The following ATE1 variants were observed in gnomAD, a reference collection of about 807,000 sequenced individuals.
ATE1 encodes arginyl-tRNA--protein transferase 1.
ATE1 carries 36 observed loss-of-function variants against 70.5 expected under a neutral mutation model. The observed-to-expected ratio is 0.51, with a 90% CI of 0.39 to 0.67. The LOEUF (loss-of-function observed/expected upper bound fraction) is 0.67, where lower values mean the gene tolerates loss of function less well. Among genes scored for constraint, ATE1 ranks in the 30% least tolerant of loss-of-function variants. The pLI is 0.00. For missense variants in ATE1, 593 were observed against 629.5 expected, an observed-to-expected ratio of 0.94 and a Z score of 0.62; for synonymous variants, 232 against 219.3, an observed-to-expected ratio of 1.06 and a Z score of -0.51.
chr10:121,839,976 A>G (rs987567565), intron 9 of ATE1, among the ~76,000 whole-genome samples: 2 of 152,196 alleles, frequency 1.3e-5, no homozygotes, highest in Non-Finnish European at 2.9e-5. Flanking sequence ...ATGAAAAGAG[A>G]AAAGTATGAC....
intron 10 of ATE1, among the ~76,000 whole-genome samples, chr10:121,817,356 G>A (rs575224832): frequency 8.5e-5 from 13 of 152,124 alleles, no homozygotes; most frequent in South Asian, 4.1e-4. Flanking sequence ...GTGAAACCCC[G>A]TCTCTACTAA....
chr10:121,910,696 A>C (rs1394253169), intron 5 of ATE1, among the ~76,000 whole-genome samples: 1 of 152,214 alleles, frequency 6.6e-6, no homozygotes, highest in Non-Finnish European at 1.5e-5. Flanking sequence ...TTTAGGGATA[A>C]GGCTATTGTT....
intron 8 of ATE1, among the ~76,000 whole-genome samples, chr10:121,850,739 AAC>A (rs1949019943): frequency 6.6e-6 from 1 of 152,192 alleles, no homozygotes; most frequent in Non-Finnish European, 1.5e-5. Flanking sequence ...TTTGAGCCCT[AAC>A]TCCACTGTAC....
At chr10:121,860,902 G>A (rs1057338288) in intron 8 of ATE1, among the ~76,000 whole-genome samples, 1 of 152,042 alleles carries the variant, frequency 6.6e-6, no homozygotes, top group African/African-American at 2.4e-5. Flanking sequence ...CTTACTTAAC[G>A]TCGTCAGTTC....
chr10:121,841,292 A>T (rs1554906405), intron 8 of ATE1, 29 bp from the exon 9 acceptor site: 1 of 1,332,092 alleles, frequency 7.5e-7, no homozygotes. Flanking sequence ...ACAAACAGCC[A>T]TTTTTTTAAT....
chr10:121,885,131 C>T lies in ATE1; in HGVS notation c.942+14735G>A, dbSNP rs371253057. On this transcript the variant is annotated intron_variant, in intron 7 of 11. Coordinates refer to ENST00000224652, the MANE Select transcript of ATE1 (RefSeq NM_001001976.3). Reference sequence around the variant, plus strand: ...CAAAAATCAGCCAGGTGTGGTGGCACGTGCCTGTAATCCCAGTTACTCGGG... The same window carrying T: ...CAAAAATCAGCCAGGTGTGGTGGCATGTGCCTGTAATCCCAGTTACTCGGG... Among the ~76,000 whole-genome samples, 15 of 151,762 alleles carry T rather than the reference C, an allele frequency of 9.9e-5. No individual in the cohort carries two copies. In the East Asian group the frequency reaches 2.9e-3, roughly 30 times the overall value.
At chr10:121,774,938 G>A (rs1385026198) in intron 11 of ATE1, among the ~76,000 whole-genome samples, 1 of 152,268 alleles carries the variant, frequency 6.6e-6, no homozygotes, top group East Asian at 1.9e-4. Flanking sequence ...AATAAGCACG[G>A]TATTTCAGTC....
intron 5 of ATE1, among the ~76,000 whole-genome samples, chr10:121,904,081 C>G (rs1328758717): frequency 6.6e-6 from 1 of 151,272 alleles, no homozygotes; most frequent in Non-Finnish European, 1.5e-5. Flanking sequence ...CCGGACCATT[C>G]GAGCAATTCT....
intron 10 of ATE1, among the ~76,000 whole-genome samples, chr10:121,809,662 C>T (rs74158456): frequency 0.14 from 20,555 of 151,698 alleles, 1,633 homozygotes; most frequent in East Asian, 0.31. Flanking sequence ...GGGAAAAGGG[C>T]AAATAACACA....
intron 10 of ATE1, among the ~76,000 whole-genome samples, chr10:121,793,615 T>C (rs1482338163): frequency 6.6e-6 from 1 of 152,230 alleles, no homozygotes; most frequent in Non-Finnish European, 1.5e-5. Flanking sequence ...TTCATATATT[T>C]AGAGGAATTT....
At chr10:121,775,895 T>C (rs1590265348) in intron 11 of ATE1, among the ~76,000 whole-genome samples, 1 of 152,222 alleles carries the variant, frequency 6.6e-6, no homozygotes, top group Non-Finnish European at 1.5e-5. Context: ...TAGTTAGTAA[T>C]TTACATAGGT....
In ATE1 at chr10:121,881,386, C is replaced by T. The variant is rs1433893581; in HGVS notation, c.943-11348G>A. Among the ~76,000 whole-genome samples, 5 of 152,136 alleles carry T rather than the reference C, an allele frequency of 3.3e-5. No homozygotes were observed. The South Asian group carries it at 6.2e-4, about 19-fold the overall frequency. The stretch of plus-strand genomic sequence containing the variant: ...CCCCAATATAGCTAACTTATCAAAA[C>T]GAGAGATCTGCTCCTGTATGAACAA... On this transcript the variant is annotated intron_variant, in intron 7 of 11. Coordinates refer to ENST00000224652, the MANE Select transcript of ATE1 (RefSeq NM_001001976.3).
chr10:121,896,823 CAAAAAAAA>C (rs869156572), intron 7 of ATE1, among the ~76,000 whole-genome samples: 14 of 28,348 alleles, frequency 4.9e-4, no homozygotes, highest in Non-Finnish European at 1.2e-4. Context: ...GACTTTGTCT[CAAAAAAAA>C]AAAAAAAAAA....
In ATE1 at chr10:121,927,446, C is replaced by T. The variant is rs1045740398; in HGVS notation, c.106+398G>A. 1.1e-5 allele frequency: 11 copies of T among 985,150 alleles called. No homozygotes were observed. In the African/African-American group the frequency reaches 1.7e-4, roughly 16 times the overall value. 61.0% of individuals were successfully genotyped at this position (985,150 alleles called of 1,614,324 possible). A position where few individuals can be genotyped will look rare whatever the true frequency, so the allele number is the denominator to read the frequency against. Reference sequence around the variant, plus strand: ...CCGGCACCTGTGTGCACACCCACAGCTCCCTCTGCACCGCGTTTCGCCCTC... The same window carrying T: ...CCGGCACCTGTGTGCACACCCACAGTTCCCTCTGCACCGCGTTTCGCCCTC... On this transcript the variant is annotated intron_variant, in intron 1 of 11. Coordinates refer to ENST00000224652, the MANE Select transcript of ATE1 (RefSeq NM_001001976.3).
intron 11 of ATE1, 112 bp downstream of exon 11, chr10:121,790,057 A>T: frequency 7.1e-7 from 1 of 1,403,992 alleles, no homozygotes; most frequent in Non-Finnish European, 9.7e-7. Flanking sequence ...CATGCACAGC[A>T]TACTCTATAA....
At chr10:121,794,853 A>G (rs1316262947) in intron 10 of ATE1, among the ~76,000 whole-genome samples, 2 of 150,984 alleles carry the variant, frequency 1.3e-5, no homozygotes, top group South Asian at 2.1e-4. Context: ...AGGTTAAAAC[A>G]GAGCCTGTTT....
intron 8 of ATE1, among the ~76,000 whole-genome samples, chr10:121,848,487 G>A (rs1948925304): frequency 6.6e-6 from 1 of 151,546 alleles, no homozygotes; most frequent in South Asian, 2.1e-4. Flanking sequence ...GTGTGGTGGT[G>A]GGGGCCTGTA....
chr10:121,793,826 T>C (rs1165854603), intron 10 of ATE1, among the ~76,000 whole-genome samples: 1 of 152,162 alleles, frequency 6.6e-6, no homozygotes, highest in Non-Finnish European at 1.5e-5. Context: ...TGATGTGTGG[T>C]CAAATCGATA....
At chr10:121,755,280 A>AT (rs1944750380) in intron 11 of ATE1, among the ~76,000 whole-genome samples, 1 of 152,210 alleles carries the variant, frequency 6.6e-6, no homozygotes, top group Non-Finnish European at 1.5e-5. Context: ...ATGTCTAGTA[A>AT]TGTAAAAAAA....
Sources: gnomAD v4.1 joint callset for allele counts (sites outside exome capture counted in the v4.1 genomes callset) on GRCh38, gnomAD v4.1.1 for gene constraint, MANE v1.5 for transcripts, NCBI Gene and HGNC (gene_info 2026-07-23, HGNC 2026-07-21) for gene names.